The following FGD5 variants were observed in gnomAD, a reference collection of about 807,000 sequenced individuals.
FGD5 encodes FYVE, RhoGEF and PH domain-containing protein 5.
Under a neutral mutation model 133.4 loss-of-function variants are expected in FGD5, and 28 were observed. The ratio of observed to expected loss-of-function variants is 0.21; its 90% CI spans 0.16 to 0.29. The LOEUF is 0.29. Ranked by LOEUF, FGD5 falls within the 10% of genes least tolerant of loss-of-function variation. The pLI, the probability that FGD5 is intolerant of heterozygous loss-of-function variation, is 1.00. For missense variants in FGD5, 1,858 were observed against 1,895.2 expected, an observed-to-expected ratio of 0.98 and a Z score of 0.36; for synonymous variants, 810 against 776.5, an observed-to-expected ratio of 1.04 and a Z score of -0.72.
chr3:14,821,604 A>G lies in FGD5; in HGVS notation c.2525+8A>G. 8.3e-6 allele frequency: 13 copies of G among 1,570,666 alleles called. No individual in the cohort carries two copies. Among genetic ancestry groups the G allele is most frequent in the Non-Finnish European group, 1.1e-5 (13 of 1,155,960 alleles). On this transcript the variant is annotated splice_region_variant and intron_variant, in intron 1 of 19. Coordinates refer to ENST00000285046, the MANE Select transcript of FGD5 (RefSeq NM_152536.4). Reference sequence around the variant, plus strand: ...AGACCAGGACGCAGAAAGGTACCTGACATTCTATTTCCTTTCTTGTTCGGC... The same window carrying G: ...AGACCAGGACGCAGAAAGGTACCTGGCATTCTATTTCCTTTCTTGTTCGGC...
intron 18 of FGD5, among the ~76,000 whole-genome samples, chr3:14,929,505 A>C (rs951989027): frequency 6.6e-6 from 1 of 152,348 alleles, no homozygotes; most frequent in South Asian, 2.1e-4. Flanking sequence ...ATCATTGCTA[A>C]CACTTGGTGT....
intron 2 of FGD5, among the ~76,000 whole-genome samples, chr3:14,874,186 C>T (rs1003727598): frequency 6.6e-6 from 1 of 152,150 alleles, no homozygotes; most frequent in Non-Finnish European, 1.5e-5. Context: ...AGCCAGTCAC[C>T]GATGGACAAA....
chr3:14,879,757 A>C (rs1034312211), intron 2 of FGD5, among the ~76,000 whole-genome samples: 1 of 152,218 alleles, frequency 6.6e-6, no homozygotes, highest in Non-Finnish European at 1.5e-5. Flanking sequence ...CCCGTTGAGC[A>C]GGGAGGATCA....
intron 2 of FGD5, among the ~76,000 whole-genome samples, chr3:14,866,650 T>A (rs1433991917): frequency 6.6e-6 from 1 of 152,154 alleles, no homozygotes; most frequent in African/African-American, 2.4e-5. Flanking sequence ...GGTAAATAAG[T>A]CTAAGGAGAA....
intron 17 of FGD5, 116 bp downstream of exon 17, chr3:14,924,254 A>G: frequency 6.7e-7 from 1 of 1,484,010 alleles, no homozygotes. Flanking sequence ...TCTTCCAGAC[A>G]GAGCATTCCT....
intron 2 of FGD5, among the ~76,000 whole-genome samples, chr3:14,871,177 GTCTTGTTCT>G (rs963121691): frequency 6.6e-6 from 1 of 152,188 alleles, no homozygotes; most frequent in African/African-American, 2.4e-5. Flanking sequence ...TTATGCTGTA[GTCTTGTTCT>G]TCATTCCTCT....
At chr3:14,875,783 G>A (rs913378764) in intron 2 of FGD5, among the ~76,000 whole-genome samples, 4 of 152,080 alleles carry the variant, frequency 2.6e-5, no homozygotes, top group Non-Finnish European at 5.9e-5. Flanking sequence ...CCAGGCTGGA[G>A]GGAGTGGAGG....
intron 13 of FGD5, chr3:14,920,269 T>TG (rs1575259348): frequency 1.3e-5 from 2 of 152,128 alleles, no homozygotes; most frequent in East Asian, 3.9e-4. Context: ...GCCTATCACA[T>TG]GGGGGTTTAT....
At chr3:14,929,545 G>A (rs2038868167) in intron 18 of FGD5, among the ~76,000 whole-genome samples, 1 of 152,320 alleles carries the variant, frequency 6.6e-6, no homozygotes, top group Admixed American at 6.5e-5. Context: ...AGCCATTCTG[G>A]TGGGGAGTGT....
chr3:14,876,295 T>G (rs188440251), intron 2 of FGD5, among the ~76,000 whole-genome samples: 32 of 152,320 alleles, frequency 2.1e-4, no homozygotes, highest in African/African-American at 7.7e-4. Flanking sequence ...CTTTGCTGTC[T>G]TTGTGTGACA....
intron 9 of FGD5, among the ~76,000 whole-genome samples, 174 bp downstream of exon 9, chr3:14,901,235 C>T (rs1308267862): frequency 6.6e-6 from 1 of 152,214 alleles, no homozygotes; most frequent in East Asian, 1.9e-4. Flanking sequence ...TGACCTCAGG[C>T]GCTGTGTGCC....
At chr3:14,812,499 T>G (rs2036309642) in intron 1 of FGD5, among the ~76,000 whole-genome samples, 1 of 152,222 alleles carries the variant, frequency 6.6e-6, no homozygotes, top group Non-Finnish European at 1.5e-5. Flanking sequence ...CGGAATAAAC[T>G]TAGAGGCAGG....
rs2038709194 is a variant in FGD5, at chr3:14,922,672, C to T, written c.3807+124C>T. The T allele has an allele frequency of 1.5e-6, 2 of 1,310,626 alleles. No individual in the cohort carries two copies. The highest frequency in any genetic ancestry group is 2.1e-6 in the Non-Finnish European group (2 of 966,972). 81.2% of individuals were successfully genotyped at this position (1,310,626 alleles called of 1,614,324 possible). ...TGTAAGCCCCAGAGTGAGGCATGTT[C>T]ACACCAACCCGAGAGGAACAGATTG... On this transcript the variant is annotated intron_variant, in intron 15 of 19. Transcript: ENST00000285046. This position sits in a 1 kb window ranked among gnomAD's most constrained non-coding sequence, Gnocchi z 4.1.
At chr3:14,911,061 C>G (rs1438508333) in intron 11 of FGD5, 132 bp downstream of exon 11, 12 of 802,710 alleles carry the variant, frequency 1.5e-5, no homozygotes, top group African/African-American at 3.5e-5. Context: ...GGGTGAGGAT[C>G]ATTCTGGACA....
At chr3:14,909,836 A>T (rs2038413745) in intron 10 of FGD5, among the ~76,000 whole-genome samples, 1 of 147,310 alleles carries the variant, frequency 6.8e-6, no homozygotes, top group African/African-American at 2.5e-5. Flanking sequence ...GGCTATCTAG[A>T]CTCACTGCAA....
intron 1 of FGD5, chr3:14,811,490 G>C (rs2036294420): frequency 6.6e-6 from 1 of 152,422 alleles, no homozygotes; most frequent in South Asian, 2.1e-4. Context: ...CTGGTCGGGG[G>C]CCTCCATTGT....
Position 14,819,191 on chromosome 3 carries a change from C to T in FGD5, c.120C>T (p.Pro40=). 1 of 1,551,160 alleles carries T rather than the reference C, an allele frequency of 6.4e-7. No homozygotes were observed. The highest frequency in any genetic ancestry group is 1.2e-5 in the South Asian group (1 of 83,944). Residue 40 remains proline (P), a synonymous_variant, in exon 1 of 20, where the codon CCC becomes CCT. Coordinates refer to ENST00000285046, the MANE Select transcript of FGD5 (RefSeq NM_152536.4). The surrounding 1 kb of genome is among the most constrained non-coding windows in gnomAD (Gnocchi z 4.1). ...ACAAATGCAGCAACGGGCGGCTGCC[C>T]TGTGTAGACAGGGGGCTTGATGAGG... ...SLNKCSNGRL[P]CVDRGLDEGP...
chr3:14,872,493 T>TGAGGGA (rs1444569876), intron 2 of FGD5, among the ~76,000 whole-genome samples: 1 of 152,094 alleles, frequency 6.6e-6, no homozygotes, highest in East Asian at 1.9e-4. Flanking sequence ...AGCACCTGTT[T>TGAGGGA]GAGGGAGGGA....
chr3:14,892,054 A>C, intron 4 of FGD5, among the ~76,000 whole-genome samples: 1 of 147,726 alleles, frequency 6.8e-6, no homozygotes, highest in African/African-American at 2.5e-5. Context: ...TCTACCCCTC[A>C]CTGTTCCCCT....
Sources: gnomAD v4.1 joint callset for allele counts (sites outside exome capture counted in the v4.1 genomes callset) on GRCh38, gnomAD v4.1.1 for gene constraint, Gnocchi (gnomAD v3.1) non-coding constraint, MANE v1.5 for transcripts, NCBI Gene and HGNC (gene_info 2026-07-23, HGNC 2026-07-21) for gene names.